Variants in LHFPL3 observed in about 807,000 individuals in gnomAD.
The protein encoded by LHFPL3 is LHFPL tetraspan subfamily member 3, also known as LHFPL tetraspan subfamily member 3 protein.
A neutral mutation model predicts 19.3 loss-of-function variants in LHFPL3; 5 were observed. That is an observed-to-expected ratio of 0.26 (90% CI 0.14 to 0.54). The LOEUF (loss-of-function observed/expected upper bound fraction) is 0.54. Ranked by LOEUF, LHFPL3 falls within the 20% of genes least tolerant of loss-of-function variation. The probability of loss-of-function intolerance (pLI) is 0.94; values close to 1 mark genes in which losing one functional copy is unlikely to be tolerated. For missense variants in LHFPL3, 249 were observed against 307.4 expected (o/e 0.81, Z 1.42); for synonymous variants, 133 against 126.2 (o/e 1.05, Z -0.36).
At chr7:104,356,452 C>T (rs552773170) in intron 1 of LHFPL3, among the ~76,000 whole-genome samples, 63 of 152,318 alleles carry the variant, frequency 4.1e-4, no homozygotes, top group African/African-American at 1.4e-3. Context: ...TTCCAAATCT[C>T]TCCATTTTTG....
chr7:104,701,053 G>A (rs139566115), intron 1 of LHFPL3, among the ~76,000 whole-genome samples: 116 of 152,272 alleles, frequency 7.6e-4, no homozygotes, highest in Middle Eastern at 3.4e-3. Flanking sequence ...CATATGGGTG[G>A]TAAACTTTGA....
At chr7:104,560,331 G>A (rs1161064211) in intron 1 of LHFPL3, among the ~76,000 whole-genome samples, 1 of 140,684 alleles carries the variant, frequency 7.1e-6, no homozygotes, top group East Asian at 2.0e-4. Flanking sequence ...TGGTTGGTAA[G>A]CTATTGATTA....
intron 1 of LHFPL3, among the ~76,000 whole-genome samples, chr7:104,688,221 C>T (rs930262835): frequency 2.6e-5 from 4 of 152,082 alleles, no homozygotes; most frequent in Non-Finnish European, 4.4e-5. Flanking sequence ...GACAAAGTGA[C>T]AAAAGAAAAG....
intron 1 of LHFPL3, among the ~76,000 whole-genome samples, chr7:104,650,769 T>C (rs1264169782): frequency 6.6e-6 from 1 of 152,074 alleles, no homozygotes; most frequent in Non-Finnish European, 1.5e-5. Context: ...CTAGGCACTG[T>C]GGGGAGATGC....
intron 1 of LHFPL3, among the ~76,000 whole-genome samples, chr7:104,682,877 A>C (rs1001880624): frequency 6.6e-6 from 1 of 152,226 alleles, no homozygotes; most frequent in Non-Finnish European, 1.5e-5. Context: ...AAAGCAATAC[A>C]TGCTTGCTGT....
At chr7:104,456,976 G>A (rs115764429) in intron 1 of LHFPL3, among the ~76,000 whole-genome samples, 1,841 of 152,194 alleles carry the variant, frequency 0.012, 26 homozygotes, top group African/African-American at 0.043. Context: ...CAAAATTATG[G>A]GTAAGGGGGG....
intron 1 of LHFPL3, among the ~76,000 whole-genome samples, chr7:104,426,688 G>A (rs1337730753): frequency 1.3e-5 from 2 of 152,204 alleles, no homozygotes; most frequent in African/African-American, 4.8e-5. Flanking sequence ...ACTTTGTCCT[G>A]ACAGTTCCCT....
chr7:104,670,631 C>T (rs1047987729), intron 1 of LHFPL3, among the ~76,000 whole-genome samples: 2 of 152,130 alleles, frequency 1.3e-5, no homozygotes, highest in African/African-American at 4.8e-5. Context: ...TTCTTGATAT[C>T]TTCTGGTTCT....
chr7:104,512,750 AAG>A (rs201854253), intron 1 of LHFPL3, among the ~76,000 whole-genome samples: 1 of 151,868 alleles, frequency 6.6e-6, no homozygotes, highest in Non-Finnish European at 1.5e-5. Context: ...AGAAAAAAAA[AAG>A]AGAGAGAGAG....
intron 1 of LHFPL3, among the ~76,000 whole-genome samples, chr7:104,404,774 C>T (rs1244430583): frequency 6.6e-6 from 1 of 152,090 alleles, no homozygotes; most frequent in Non-Finnish European, 1.5e-5. Context: ...TAACCAGACA[C>T]CTATGAACTT....
intron 2 of LHFPL3, among the ~76,000 whole-genome samples, chr7:104,849,775 T>C (rs1411320583): frequency 1.3e-5 from 2 of 152,226 alleles, no homozygotes; most frequent in Non-Finnish European, 2.9e-5. Flanking sequence ...TGAGCCAGCA[T>C]TCCTTCCTTC....
rs57309892 is a variant in LHFPL3 at position 104,793,271 on chromosome 7, ACCT to A, written c.682+56364_682+56366del. ...TTAATAAAGCATGTACATTTACATC[ACCT>A]CCTGGACAAAAGAGGGGAAAAACAG... On this transcript the variant is annotated intron_variant, in intron 2 of 2. Transcript: ENST00000424859. 0.019 allele frequency among the ~76,000 whole-genome samples: 2,915 copies of A among 152,190 alleles called. 222 individuals are homozygous for A. In the East Asian group the frequency reaches 0.25, roughly 13 times the overall value.
intron 2 of LHFPL3, among the ~76,000 whole-genome samples, chr7:104,819,521 G>T (rs1204416427): frequency 6.6e-6 from 1 of 152,048 alleles, no homozygotes; most frequent in East Asian, 1.9e-4. Flanking sequence ...TTGCAGTAGG[G>T]AGCCTGTGCC....
At chr7:104,558,226 C>T (rs201036163) in intron 1 of LHFPL3, among the ~76,000 whole-genome samples, 2 of 151,544 alleles carry the variant, frequency 1.3e-5, no homozygotes, top group Non-Finnish European at 2.9e-5. Context: ...ATGGTATTTC[C>T]AGTTCTAGAT....
At chr7:104,747,330 C>T (rs1240967632) in intron 2 of LHFPL3, among the ~76,000 whole-genome samples, 1 of 152,074 alleles carries the variant, frequency 6.6e-6, no homozygotes, top group Non-Finnish European at 1.5e-5. Flanking sequence ...GGAACAAAGC[C>T]AAGCCTTAAA....
Position 104,623,431 on chromosome 7 carries a change from A to G in LHFPL3, c.446-113244A>G, listed in dbSNP as rs191104213. Among the ~76,000 whole-genome samples, 321 of 152,028 alleles carry G rather than the reference A, an allele frequency of 2.1e-3. 2 individuals are homozygous for G. Among genetic ancestry groups the G allele is most frequent in the African/African-American group, 7.2e-3 (300 of 41,474 alleles). ...GATTACTTGAGGTCAGGAGTTCGAGACCAGCCTGGCCAACATGGCGAAACC... is the reference window on the plus strand; with the variant it reads ...GATTACTTGAGGTCAGGAGTTCGAGGCCAGCCTGGCCAACATGGCGAAACC... On this transcript the variant is annotated intron_variant, in intron 1 of 2. Transcript: ENST00000424859.
chr7:104,546,239 A>G (rs1794576716), intron 1 of LHFPL3, among the ~76,000 whole-genome samples: 1 of 152,200 alleles, frequency 6.6e-6, no homozygotes. Context: ...CAGGGAAACA[A>G]CCATAGAATT....
At chr7:104,717,700 T>C (rs1340213807) in intron 1 of LHFPL3, among the ~76,000 whole-genome samples, 1 of 152,166 alleles carries the variant, frequency 6.6e-6, no homozygotes, top group East Asian at 1.9e-4. Flanking sequence ...TGTATATTGT[T>C]GGTGGGATTC....
chr7:104,833,051 T>G (rs1189582456), intron 2 of LHFPL3, among the ~76,000 whole-genome samples: 1 of 80,118 alleles, frequency 1.2e-5, no homozygotes, highest in African/African-American at 6.0e-5. Flanking sequence ...ATATTATATA[T>G]ATATTATATA....
Sources: gnomAD v4.1 joint callset for allele counts (sites outside exome capture counted in the v4.1 genomes callset) on GRCh38, gnomAD v4.1.1 for gene constraint, MANE v1.5 for transcripts, NCBI Gene and HGNC (gene_info 2026-07-23, HGNC 2026-07-21) for gene names.